TEDC1: variants seen among roughly 807,000 people sequenced by gnomAD.
TEDC1 encodes tubulin epsilon and delta complex 1.
In TEDC1, 54 loss-of-function variants were observed where a neutral mutation model predicts 59.9. That is an observed-to-expected ratio of 0.90 (90% CI 0.72 to 1.13). The LOEUF (loss-of-function observed/expected upper bound fraction) is 1.13. Ranked by LOEUF, TEDC1 falls within the 50% of genes most tolerant of loss-of-function variation. The probability of loss-of-function intolerance (pLI) is 0.00; values close to 1 mark genes in which losing one functional copy is unlikely to be tolerated. For synonymous variants in TEDC1, 353 were observed against 298.1 expected (o/e 1.18, Z -1.90); for missense variants, 734 against 683.4 (o/e 1.07, Z -0.83).
chr14:105,496,158 G>GGT, intron 6 of TEDC1, 72 bp downstream of exon 6: 1 of 1,122,982 alleles, frequency 8.9e-7, no homozygotes, highest in Admixed American at 2.4e-5. Context: ...GTGGCGAGGG[G>GGT]GTGTGTTTGC....
At chr14:105,497,040 G>T (rs1555440559) in intron 6 of TEDC1, 7 of 460,628 alleles carry the variant, frequency 1.5e-5, no homozygotes. Flanking sequence ...ACTGGCAGTG[G>T]GGCTGGTGTG....
At chr14:105,496,139 T>TGGTGGGGGGGGGGGGGGG in intron 6 of TEDC1, 53 bp downstream of exon 6, 1 of 32,264 alleles carries the variant, frequency 3.1e-5, no homozygotes, top group Non-Finnish European at 5.1e-5. Flanking sequence ...TGGGGGTGGG[T>TGGTGGGGGGGGGGGGGGG]GGGAGGGGGT....
At chr14:105,494,222 G>A in intron 5 of TEDC1, 3 of 507,606 alleles carry the variant, frequency 5.9e-6, no homozygotes, top group Admixed American at 3.3e-5. Flanking sequence ...GCTAAGGGCA[G>A]GCTGTTGGAA....
At chr14:105,496,319 C>T (rs1361639772) in intron 6 of TEDC1, 1 of 561,756 alleles carries the variant, frequency 1.8e-6, no homozygotes, top group Non-Finnish European at 3.2e-6. Context: ...GGGCTGCAGC[C>T]CCGGCACCAG....
intron 6 of TEDC1, 175 bp from the exon 7 acceptor site, chr14:105,497,182 G>A: frequency 1.4e-6 from 1 of 692,310 alleles, no homozygotes; most frequent in African/African-American, 1.8e-5. Context: ...CCACACCAGG[G>A]TGCCCTGCTC....
intron 2 of TEDC1, 86 bp from the exon 3 acceptor site, chr14:105,492,021 A>G (rs1285107786): frequency 5.8e-6 from 8 of 1,375,882 alleles, no homozygotes; most frequent in Non-Finnish European, 7.0e-6. Context: ...CTTCTGCTCA[A>G]GTGACCTGTG....
chr14:105,498,007 C>G (rs1555440872), intron 8 of TEDC1, 30 bp downstream of exon 8: 3 of 1,479,842 alleles, frequency 2.0e-6, no homozygotes, highest in Non-Finnish European at 2.7e-6. Context: ...TGGGCACCAG[C>G]CCAGCCCCAC....
chr14:105,497,269 G>A, intron 6 of TEDC1, 88 bp from the exon 7 acceptor site: 2 of 1,308,492 alleles, frequency 1.5e-6, no homozygotes, highest in Middle Eastern at 2.4e-4. Context: ...GTTGGGCCGG[G>A]TGTCGGCGCT....
chr14:105,497,168 C>T (rs900038850), intron 6 of TEDC1, 189 bp from the exon 7 acceptor site: 25 of 664,960 alleles, frequency 3.8e-5, no homozygotes, highest in Middle Eastern at 3.9e-4. Flanking sequence ...CTGTGGCGTC[C>T]GCACCACACC....
Position 105,499,142 on chromosome 14 carries a change from G to A in TEDC1, c.*196G>A. ...CTGTGGCTAGCAGCACTGGGGACAG[G>A]AATGGCTGGTCCCTTGAGGAGGTCG... On this transcript the variant is annotated 3_prime_UTR_variant, in exon 9 of 9. Transcript: ENST00000392523. The A allele has an allele frequency of 1.6e-6, 1 of 629,506 alleles. No homozygotes were observed. Among genetic ancestry groups the A allele is most frequent in the Non-Finnish European group, 2.7e-6 (1 of 364,624 alleles). 39.0% of individuals were successfully genotyped at this position (629,506 alleles called of 1,614,324 possible). A position where few individuals can be genotyped will look rare whatever the true frequency, so the allele number is the denominator to read the frequency against.
intron 3 of TEDC1, 61 bp from the exon 4 acceptor site, chr14:105,492,518 C>A: frequency 6.6e-7 from 1 of 1,510,596 alleles, no homozygotes; most frequent in Non-Finnish European, 8.8e-7. Flanking sequence ...CGTCTCCATC[C>A]TGGCCTTTTC....
chr14:105,491,640 C>T lies in TEDC1; in HGVS notation c.166C>T (p.Leu56Phe), dbSNP rs2084211114. Residue 56 changes from leucine to phenylalanine, a missense_variant, in exon 2 of 9, where the codon CTC (leucine) becomes TTC (phenylalanine). Physicochemically the swap from Leu to Phe is conservative, Grantham distance 22. Transcript: ENST00000392523. Reference protein sequence around the residue: ...RPEATSALWQLLFRVLSPLPA... With the variant: ...RPEATSALWQFLFRVLSPLPA... ...TCCGCAGACCTCCGCGCTCTGGCAG[C>T]TCCTCTTCCGTGTGCTCTCGCCACT... 6.5e-7 allele frequency: 1 copy of T among 1,549,746 alleles called. No individual in the cohort carries two copies. The highest frequency in any genetic ancestry group is 8.7e-7 in the Non-Finnish European group (1 of 1,146,834).
In TEDC1 at chr14:105,492,175, C is replaced by G. The variant is rs782695146; in HGVS notation, c.295C>G (p.Leu99Val). The G allele has an allele frequency of 1.9e-6, 3 of 1,613,020 alleles. No individual in the cohort carries two copies. Among genetic ancestry groups the G allele is most frequent in the East Asian group, 2.2e-5 (1 of 44,884 alleles). Reference sequence around the variant, plus strand: ...CTACCCGAGGCTGGCACTGGCACAACTACCTGAGGATGGCTCGCAGGGCAG... The same window carrying G: ...CTACCCGAGGCTGGCACTGGCACAAGTACCTGAGGATGGCTCGCAGGGCAG... ...QGYPRLALAQ[L>V]PEDGSQGSRE... Residue 99 changes from leucine (L) to valine (V), a missense_variant, in exon 3 of 9, where the codon CTA (leucine) becomes GTA (valine). Coordinates refer to ENST00000392523, the MANE Select transcript of TEDC1 (RefSeq NM_001367178.1).
rs781908424 is a variant in TEDC1, at chr14:105,491,711, C to A, written c.226+11C>A. On this transcript the variant is annotated intron_variant, in intron 2 of 8. Coordinates refer to ENST00000392523, the MANE Select transcript of TEDC1 (RefSeq NM_001367178.1). ...CATCGCTCGCCCTGGGTAAGCCCCG[C>A]TCCTGGCCCCGCCCACCCGGTAGCA... 1.7e-5 allele frequency: 27 copies of A among 1,545,768 alleles called. No homozygotes were observed. The highest frequency in any genetic ancestry group is 2.4e-5 in the Non-Finnish European group (27 of 1,146,480).
intron 6 of TEDC1, 156 bp from the exon 7 acceptor site, chr14:105,497,200 TG>T: frequency 1.3e-6 from 1 of 746,832 alleles, no homozygotes; most frequent in South Asian, 1.5e-5. Context: ...CTCATCGCTC[TG>T]GCCAGAGAAC....
intron 1 of TEDC1, 36 bp from the exon 2 acceptor site, chr14:105,491,586 C>T (rs587659699): frequency 3.9e-6 from 6 of 1,547,822 alleles, no homozygotes; most frequent in Non-Finnish European, 5.2e-6. Context: ...GGAGTTGGGC[C>T]GGCTCCGCTG....
chr14:105,496,122 C>A (rs2084339556), intron 6 of TEDC1, 36 bp downstream of exon 6: 11 of 116,724 alleles, frequency 9.4e-5, no homozygotes, highest in Non-Finnish European at 1.6e-4. Context: ...GTGGAGACCG[C>A]AGGACTTGGG....
chr14:105,495,028 G>A (rs142089367), intron 5 of TEDC1: 3,540 of 152,300 alleles, frequency 0.023, 68 homozygotes, highest in Non-Finnish European at 0.036. Context: ...CTGTCACCAC[G>A]TCCGGCTAAT....
Position 105,498,599 on chromosome 14 carries a change from C to T in TEDC1, c.1159-18C>T. ...GTGTCCTGGGGGGACAGAGCCATTG[C>T]CATTGTGTCCCACGCAGGCTGGAGG... On this transcript the variant is annotated intron_variant, in intron 8 of 8. Coordinates refer to ENST00000392523, the MANE Select transcript of TEDC1 (RefSeq NM_001367178.1). 3 of 1,518,720 alleles carry T rather than the reference C, an allele frequency of 2.0e-6. No homozygotes were observed. In the South Asian group the frequency reaches 3.8e-5, roughly 19 times the overall value. 94.1% of individuals were successfully genotyped at this position (1,518,720 alleles called of 1,614,324 possible). A position where few individuals can be genotyped will look rare whatever the true frequency, so the allele number is the denominator to read the frequency against.
Sources: allele counts gnomAD v4.1 joint callset, GRCh38; gene constraint gnomAD v4.1.1; transcripts MANE v1.5; gene names NCBI Gene and HGNC (gene_info 2026-07-23, HGNC 2026-07-21).